FARS2: variants seen among roughly 807,000 people sequenced by gnomAD.
The protein encoded by FARS2 is phenylalanyl-tRNA synthetase 2, mitochondrial, also known as phenylalanine--tRNA ligase, mitochondrial.
A neutral mutation model predicts 46.4 loss-of-function variants in FARS2; 40 were observed. The ratio of observed to expected loss-of-function variants is 0.86; its 90% CI spans 0.67 to 1.12. FARS2 has a LOEUF of 1.12. Ranked by LOEUF, FARS2 falls within the 50% of genes most tolerant of loss-of-function variation. FARS2 has a pLI of 0.00. For synonymous variants in FARS2, 234 were observed against 214.9 expected, an observed-to-expected ratio of 1.09 and a Z score of -0.78; for missense variants, 513 against 567.9, an observed-to-expected ratio of 0.90 and a Z score of 0.98.
intron 6 of FARS2, among the ~76,000 whole-genome samples, chr6:5,623,130 C>T (rs2150700563): frequency 6.6e-6 from 1 of 152,264 alleles, no homozygotes; most frequent in Non-Finnish European, 1.5e-5. Context: ...TAAATGGTAG[C>T]TAGGAAAACT....
intron 6 of FARS2, among the ~76,000 whole-genome samples, chr6:5,616,845 G>A (rs755355118): frequency 3.3e-5 from 5 of 152,042 alleles, no homozygotes; most frequent in Non-Finnish European, 5.9e-5. Context: ...GTCAAAAGTG[G>A]GATGAGTAAC....
At chr6:5,403,656 A>G (rs960286996) in intron 2 of FARS2, among the ~76,000 whole-genome samples, 4 of 152,116 alleles carry the variant, frequency 2.6e-5, no homozygotes, top group Non-Finnish European at 4.4e-5. Context: ...GTTTGGTTCT[A>G]ATTATCAAAA....
At chr6:5,686,134 A>C (rs1412178197) in intron 6 of FARS2, among the ~76,000 whole-genome samples, 1 of 152,168 alleles carries the variant, frequency 6.6e-6, no homozygotes, top group Admixed American at 6.5e-5. Context: ...GTGAGTGCTC[A>C]ATAGATGTCT....
chr6:5,439,716 A>T (rs1021377550), intron 4 of FARS2, among the ~76,000 whole-genome samples: 1 of 152,188 alleles, frequency 6.6e-6, no homozygotes, highest in Non-Finnish European at 1.5e-5. Flanking sequence ...TATTGGCTCC[A>T]CTTGTCTATT....
chr6:5,629,810 T>TA (rs1164025793), intron 6 of FARS2, among the ~76,000 whole-genome samples: 13 of 150,194 alleles, frequency 8.7e-5, no homozygotes, highest in East Asian at 5.8e-4. Context: ...GCTGACAATA[T>TA]AAAAAAAAAG....
intron 2 of FARS2, among the ~76,000 whole-genome samples, chr6:5,390,687 T>G (rs1760452153): frequency 6.6e-6 from 1 of 152,200 alleles, no homozygotes; most frequent in African/African-American, 2.4e-5. Context: ...CTGTTTTTCT[T>G]TGGTTCTCTT....
At chr6:5,428,870 A>G (rs1763002236) in intron 3 of FARS2, among the ~76,000 whole-genome samples, 1 of 152,200 alleles carries the variant, frequency 6.6e-6, no homozygotes, top group African/African-American at 2.4e-5. Flanking sequence ...TTTCCCAGTT[A>G]GAAAAAGTGT....
chr6:5,283,686 A>G (rs959531872), intron 1 of FARS2, among the ~76,000 whole-genome samples: 1 of 152,182 alleles, frequency 6.6e-6, no homozygotes, highest in South Asian at 2.1e-4. Context: ...AACTACATTT[A>G]TATCGCATTT....
intron 6 of FARS2, among the ~76,000 whole-genome samples, chr6:5,634,563 A>G (rs545789570): frequency 3.7e-4 from 57 of 152,296 alleles, no homozygotes; most frequent in Non-Finnish European, 6.8e-4. Flanking sequence ...GGCTCAAGCT[A>G]TCCTCCCACC....
rs1434107910 is a variant in FARS2 at position 5,331,090 on chromosome 6, G to A, written c.-21-37460G>A. ...TCTGCATTCCAGCCTGGGTGACAGA[G>A]TGAAACTCCGTTTAAAAAAAAAAAA... On this transcript the variant is annotated intron_variant, in intron 1 of 6. Transcript: ENST00000274680. Among the ~76,000 whole-genome samples the A allele has an allele frequency of 2.1e-5, 3 of 143,778 alleles. No homozygotes were observed. The East Asian group carries it at 6.0e-4, about 29-fold the overall frequency. The allele number at this position is 143,778 out of a possible 152,430, so 94.3% of individuals were successfully genotyped here.
intron 2 of FARS2, among the ~76,000 whole-genome samples, chr6:5,371,399 ATTAT>A (rs1165271993): frequency 6.6e-6 from 1 of 152,112 alleles, no homozygotes; most frequent in Non-Finnish European, 1.5e-5. Flanking sequence ...AATCTTTGTA[ATTAT>A]TACTTTCATC....
chr6:5,622,197 C>A (rs1775810569), intron 6 of FARS2, among the ~76,000 whole-genome samples: 1 of 152,244 alleles, frequency 6.6e-6, no homozygotes, highest in Admixed American at 6.5e-5. Flanking sequence ...CTCGCCAGAG[C>A]AGGAAGCCCT....
chr6:5,370,653 C>G (rs1758999685), intron 2 of FARS2, among the ~76,000 whole-genome samples: 1 of 152,036 alleles, frequency 6.6e-6, no homozygotes, highest in East Asian at 1.9e-4. Flanking sequence ...AGCCTGCATG[C>G]CATGAAAGAG....
At chr6:5,643,759 C>A (rs1023408629) in intron 6 of FARS2, among the ~76,000 whole-genome samples, 17 of 152,080 alleles carry the variant, frequency 1.1e-4, no homozygotes. Flanking sequence ...AGTCTACCAG[C>A]CTGAGCATTC....
At chr6:5,632,661 C>T (rs1159936451) in intron 6 of FARS2, among the ~76,000 whole-genome samples, 1 of 146,654 alleles carries the variant, frequency 6.8e-6, no homozygotes, top group Non-Finnish European at 1.5e-5. Flanking sequence ...TTCCTTCCTC[C>T]CCTTTCTTAC....
chr6:5,709,092 A>T (rs563628209), intron 6 of FARS2, among the ~76,000 whole-genome samples: 1 of 152,328 alleles, frequency 6.6e-6, no homozygotes, highest in South Asian at 2.1e-4. Context: ...ACGGTCATTT[A>T]TGGTTGCTTC....
At chr6:5,684,332 GC>G (rs1452677955) in intron 6 of FARS2, among the ~76,000 whole-genome samples, 2 of 152,132 alleles carry the variant, frequency 1.3e-5, no homozygotes, top group Non-Finnish European at 2.9e-5. Context: ...CACCTGCCCA[GC>G]CCTGCGCACT....
chr6:5,743,246 C>T (rs189924027), intron 6 of FARS2, among the ~76,000 whole-genome samples: 38 of 152,252 alleles, frequency 2.5e-4, no homozygotes, highest in African/African-American at 8.9e-4. Flanking sequence ...TATTGATGGG[C>T]CAGCCTTAAG....
chr6:5,467,416 C>T (rs907668683), intron 4 of FARS2, among the ~76,000 whole-genome samples: 19 of 152,154 alleles, frequency 1.2e-4, no homozygotes, highest in African/African-American at 4.6e-4. Flanking sequence ...TAGAGTCCTA[C>T]AAGCTTATGA....
Sources: gnomAD v4.1 joint callset for allele counts (sites outside exome capture counted in the v4.1 genomes callset) on GRCh38, gnomAD v4.1.1 for gene constraint, MANE v1.5 for transcripts, NCBI Gene and HGNC (gene_info 2026-07-23, HGNC 2026-07-21) for gene names.